Variants in SORCS2 observed in about 807,000 individuals in gnomAD.
The protein encoded by SORCS2 is sortilin related VPS10 domain containing receptor 2.
A neutral mutation model predicts 141.6 loss-of-function variants in SORCS2; 100 were observed. That is an observed-to-expected ratio of 0.71 (90% CI 0.60 to 0.83). The LOEUF is 0.83. Ranked by LOEUF, SORCS2 falls within the 40% of genes least tolerant of loss-of-function variation. The pLI is 0.00. For missense variants in SORCS2, 1,646 were observed against 1,560.2 expected, an observed-to-expected ratio of 1.05 and a Z score of -0.93; for synonymous variants, 789 against 676.9, an observed-to-expected ratio of 1.17 and a Z score of -2.57.
chr4:7,654,858 G>A (rs921680896), intron 5 of SORCS2, among the ~76,000 whole-genome samples: 1 of 152,206 alleles, frequency 6.6e-6, no homozygotes, highest in African/African-American at 2.4e-5. Context: ...CAGGCAGAGG[G>A]CCACTGGGGG....
intron 1 of SORCS2, among the ~76,000 whole-genome samples, chr4:7,197,330 T>A (rs1202324083): frequency 2.6e-5 from 4 of 152,192 alleles, no homozygotes; most frequent in Non-Finnish European, 1.5e-5. Context: ...ACGTATGGAT[T>A]TTGGTGGGGG....
chr4:7,307,338 A>C (rs988795864), intron 1 of SORCS2, among the ~76,000 whole-genome samples: 7 of 152,238 alleles, frequency 4.6e-5, no homozygotes, highest in Non-Finnish European at 1.0e-4. Flanking sequence ...CCTTTCGTAA[A>C]TGATTCTTCC....
intron 2 of SORCS2, among the ~76,000 whole-genome samples, chr4:7,513,109 C>G (rs973976866): frequency 7.2e-5 from 11 of 152,192 alleles, no homozygotes; most frequent in South Asian, 4.1e-4. Flanking sequence ...ACCCCTGCCT[C>G]ACACTACTCG....
intron 3 of SORCS2, among the ~76,000 whole-genome samples, chr4:7,621,503 GTGTC>G (rs1169883045): frequency 2.1e-4 from 31 of 151,182 alleles, no homozygotes; most frequent in African/African-American, 6.6e-4. Context: ...GTGTCTATGT[GTGTC>G]TGTATGTTTA....
chr4:7,727,043 A>T (rs1480591932), intron 21 of SORCS2, 140 bp downstream of exon 21: 2 of 1,126,494 alleles, frequency 1.8e-6, no homozygotes, highest in Non-Finnish European at 2.4e-6. Flanking sequence ...GGGCTGGATA[A>T]ACAGAGCCCT....
In SORCS2 at chr4:7,676,176, G is replaced by A; in HGVS notation, c.1288G>A (p.Asp430Asn). Residue 430 changes from aspartate (D) to asparagine (N), a missense_variant, in exon 9 of 27, where the codon GAC becomes AAC. Physicochemically the swap from Asp to Asn is conservative, Grantham distance 23 (BLOSUM62 1). Transcript: ENST00000507866. ...CGTGCGCTACGCGCTGGTGCTGCAG[G>A]ACGTGCGCAGCTCACGGCAGGCGGA... ...RGVRYALVLQDVRSSRQAEES... is the reference protein window; with the variant it reads ...RGVRYALVLQNVRSSRQAEES... 2 of 1,556,202 alleles carry A rather than the reference G, an allele frequency of 1.3e-6. No homozygotes were observed. The highest frequency in any genetic ancestry group is 1.7e-6 in the Non-Finnish European group (2 of 1,149,600).
intron 2 of SORCS2, among the ~76,000 whole-genome samples, chr4:7,498,773 G>C (rs1022895362): frequency 6.6e-6 from 1 of 152,244 alleles, no homozygotes; most frequent in Non-Finnish European, 1.5e-5. Context: ...GGCTGCCCGG[G>C]AGCTGGGAAT....
intron 1 of SORCS2, among the ~76,000 whole-genome samples, chr4:7,311,379 T>G (rs1004566497): frequency 1.4e-4 from 21 of 152,204 alleles, no homozygotes; most frequent in Admixed American, 9.2e-4. Flanking sequence ...CTGCCAACAC[T>G]CCTATACGAG....
Position 7,664,290 on chromosome 4 carries a change from T to A in SORCS2, c.953-63T>A. The stretch of plus-strand genomic sequence containing the variant: ...GGAGGAAGATGGAGTCCAGCACATG[T>A]CTCGGGCCGTCTCTGGCTCCGGCTG... On this transcript the variant is annotated intron_variant, in intron 6 of 26. Coordinates refer to ENST00000507866, the MANE Select transcript of SORCS2 (RefSeq NM_020777.3). The surrounding 1 kb of genome is among the most constrained non-coding windows in gnomAD (Gnocchi z 4.7). 7.4e-7 allele frequency: 1 copy of A among 1,348,336 alleles called. No individual in the cohort carries two copies. Among genetic ancestry groups the A allele is most frequent in the African/African-American group, 1.4e-5 (1 of 69,290 alleles). 83.5% of individuals were successfully genotyped at this position (1,348,336 alleles called of 1,614,324 possible).
At chr4:7,705,988 A>C (rs1725404014) in intron 14 of SORCS2, among the ~76,000 whole-genome samples, 1 of 152,222 alleles carries the variant, frequency 6.6e-6, no homozygotes, top group Non-Finnish European at 1.5e-5. Flanking sequence ...CATCCTGCCC[A>C]GGCTGGCCTC....
intron 1 of SORCS2, among the ~76,000 whole-genome samples, chr4:7,219,618 A>C (rs1383789806): frequency 1.3e-5 from 2 of 152,242 alleles, no homozygotes; most frequent in African/African-American, 4.8e-5. Context: ...GAAATGCCAG[A>C]TGCTTATAAA....
At chr4:7,587,142 T>C (rs998859148) in intron 3 of SORCS2, among the ~76,000 whole-genome samples, 1 of 152,064 alleles carries the variant, frequency 6.6e-6, no homozygotes, top group African/African-American at 2.4e-5. Flanking sequence ...AAGAACATAA[T>C]TGCAGTGAGT....
intron 12 of SORCS2, among the ~76,000 whole-genome samples, chr4:7,698,309 G>A (rs371746937): frequency 6.6e-6 from 1 of 152,300 alleles, no homozygotes; most frequent in East Asian, 1.9e-4. Context: ...CCCCAGCCAC[G>A]GCCCCCCTCC....
intron 1 of SORCS2, among the ~76,000 whole-genome samples, chr4:7,380,064 G>A (rs895437495): frequency 2.0e-5 from 3 of 152,108 alleles, no homozygotes; most frequent in African/African-American, 7.2e-5. Flanking sequence ...CTCAACAATG[G>A]CCATTTCTTC....
At chr4:7,534,329 TC>T (rs34834438) in intron 3 of SORCS2, among the ~76,000 whole-genome samples, 32,365 of 151,118 alleles carry the variant, frequency 0.21, 3,803 homozygotes, top group African/African-American at 0.29. Flanking sequence ...CTCTGCCAGG[TC>T]CCCCCCCATC....
chr4:7,379,921 G>A (rs148765038), intron 1 of SORCS2, among the ~76,000 whole-genome samples: 2 of 152,322 alleles, frequency 1.3e-5, no homozygotes, highest in East Asian at 1.9e-4. Flanking sequence ...GACATTCAGT[G>A]CGTGAGTGTG....
chr4:7,496,896 G>A (rs146418780), intron 2 of SORCS2, among the ~76,000 whole-genome samples: 204 of 152,310 alleles, frequency 1.3e-3, no homozygotes, highest in Non-Finnish European at 2.3e-3. Flanking sequence ...TTCTCCAGGC[G>A]AGGCCAGGTG....
chr4:7,238,797 G>A (rs147432723), intron 1 of SORCS2, among the ~76,000 whole-genome samples: 124 of 152,236 alleles, frequency 8.1e-4, no homozygotes, highest in African/African-American at 2.8e-3. Flanking sequence ...ACCCCTGTCC[G>A]CCAGCTCCTG....
chr4:7,371,281 G>A (rs1375827744), intron 1 of SORCS2, among the ~76,000 whole-genome samples: 1 of 152,192 alleles, frequency 6.6e-6, no homozygotes, highest in Non-Finnish European at 1.5e-5. Context: ...CCTGCGCCCT[G>A]TGTGGTGGTG....
Sources: gnomAD v4.1 joint callset for allele counts (sites outside exome capture counted in the v4.1 genomes callset) on GRCh38, gnomAD v4.1.1 for gene constraint, Gnocchi (gnomAD v3.1) non-coding constraint, MANE v1.5 for transcripts, NCBI Gene and HGNC (gene_info 2026-07-23, HGNC 2026-07-21) for gene names.